The following SMC6 variants were observed in gnomAD, a reference collection of about 807,000 sequenced individuals.
The protein encoded by SMC6 is structural maintenance of chromosomes protein 6.
A neutral mutation model predicts 142.2 loss-of-function variants in SMC6; 79 were observed. That is an observed-to-expected ratio of 0.56 (90% confidence interval 0.46 to 0.67). The LOEUF is 0.67. Among genes scored for constraint, SMC6 ranks in the 30% least tolerant of loss-of-function variants. The probability of loss-of-function intolerance (pLI) is 0.00; values close to 1 mark genes in which losing one functional copy is unlikely to be tolerated. For synonymous variants in SMC6, 411 were observed against 412.4 expected, an observed-to-expected ratio of 1.00 and a Z score of 0.04; for missense variants, 1,072 against 1,284.0, an observed-to-expected ratio of 0.83 and a Z score of 2.52.
chr2:17,669,775 T>G (rs1253242222), intron 26 of SMC6, among the ~76,000 whole-genome samples: 1 of 152,170 alleles, frequency 6.6e-6, no homozygotes, highest in African/African-American at 2.4e-5. Context: ...TAATTGCTAA[T>G]TTATGAGAAC....
Position 17,700,308 on chromosome 2 carries a change from T to C in SMC6, c.2294A>G (p.Asn765Ser), listed in dbSNP as rs765808400. Reference sequence around the variant, plus strand: ...TTTCAGACTTTTAAGATGCTCCATATTTTCTTTTTGTTGCTCCATATGTTC... The same window carrying C: ...TTTCAGACTTTTAAGATGCTCCATACTTTCTTTTTGTTGCTCCATATGTTC... ...VEEHMEQQKE[N>S]MEHLKSLKIE... The change falls in exon 21 of 28, where the codon AAT (asparagine) becomes AGT (serine). Residue 765 changes from asparagine (N) to serine (S), a missense_variant. Asn to Ser is a conservative substitution (Grantham distance 46). Transcript: ENST00000448223. 1 of 1,611,860 alleles carries C rather than the reference T, an allele frequency of 6.2e-7. No individual in the cohort carries two copies. The highest frequency in any genetic ancestry group is 8.5e-7 in the Non-Finnish European group (1 of 1,179,074).
chr2:17,716,484 G>C (rs190095313), intron 14 of SMC6, among the ~76,000 whole-genome samples: 23 of 152,224 alleles, frequency 1.5e-4, no homozygotes, highest in Admixed American at 4.6e-4. Flanking sequence ...TGATGGGCTA[G>C]GAATCCCAGA....
intron 21 of SMC6, among the ~76,000 whole-genome samples, chr2:17,699,695 C>T (rs57934574): frequency 0.013 from 1,982 of 152,148 alleles, 22 homozygotes; most frequent in East Asian, 0.031. Flanking sequence ...TGAGGAATAA[C>T]AAGTGAATAT....
chr2:17,746,723 G>T (rs1319442243), intron 2 of SMC6, among the ~76,000 whole-genome samples: 2 of 152,144 alleles, frequency 1.3e-5, no homozygotes. Flanking sequence ...AGTCAAAGCT[G>T]ATAGTTTATG....
chr2:17,731,900 A>G (rs1195372163), intron 5 of SMC6, 23 bp from the exon 6 acceptor site: 1 of 1,608,146 alleles, frequency 6.2e-7, no homozygotes, highest in East Asian at 2.2e-5. Flanking sequence ...GGTTGAGCTA[A>G]GTTACATGAA....
chr2:17,727,524 TATAC>T (rs994086381), intron 7 of SMC6, among the ~76,000 whole-genome samples: 8 of 135,664 alleles, frequency 5.9e-5, no homozygotes, highest in South Asian at 2.2e-4. Flanking sequence ...TATATATATA[TATAC>T]ACACACACAC....
intron 26 of SMC6, among the ~76,000 whole-genome samples, chr2:17,667,581 A>C (rs1344067218): frequency 2.0e-5 from 3 of 152,196 alleles, no homozygotes; most frequent in Non-Finnish European, 4.4e-5. Flanking sequence ...CGGGCGCAGC[A>C]GCTCATGCCT....
intron 8 of SMC6, among the ~76,000 whole-genome samples, chr2:17,726,090 A>T (rs1669607962): frequency 1.2e-5 from 1 of 85,000 alleles, no homozygotes; most frequent in Admixed American, 1.0e-4. Flanking sequence ...TCTGTCTTAA[A>T]AAAAAAAAAA....
At chr2:17,709,568 GTTT>G (rs1668718907) in intron 16 of SMC6, among the ~76,000 whole-genome samples, 2 of 152,120 alleles carry the variant, frequency 1.3e-5, no homozygotes, top group Admixed American at 1.3e-4. Context: ...TTGCATACAT[GTTT>G]TATACCTATT....
intron 21 of SMC6, among the ~76,000 whole-genome samples, chr2:17,699,114 C>T (rs893616395): frequency 6.6e-6 from 1 of 151,986 alleles, no homozygotes; most frequent in Non-Finnish European, 1.5e-5. Flanking sequence ...CTATTTTTAT[C>T]TCATTTTTTT....
At chr2:17,669,000 C>T (rs1247569052) in intron 26 of SMC6, among the ~76,000 whole-genome samples, 1 of 151,938 alleles carries the variant, frequency 6.6e-6, no homozygotes, top group South Asian at 2.1e-4. Context: ...CCTGGGAGTC[C>T]GGAGAAGAGG....
At chr2:17,698,134 C>A (rs1033106096) in intron 21 of SMC6, among the ~76,000 whole-genome samples, 5 of 151,946 alleles carry the variant, frequency 3.3e-5, no homozygotes, top group African/African-American at 9.7e-5. Flanking sequence ...GGGATGGGAA[C>A]AGGAGAGAAT....
chr2:17,692,657 T>G (rs906638887), intron 23 of SMC6, among the ~76,000 whole-genome samples: 3 of 152,212 alleles, frequency 2.0e-5, no homozygotes. Context: ...AAGGACTTCA[T>G]GTCTAAAACA....
intron 4 of SMC6, 113 bp from the exon 5 acceptor site, chr2:17,738,439 G>T (rs1670265165): frequency 3.3e-6 from 2 of 608,384 alleles, no homozygotes; most frequent in Non-Finnish European, 5.1e-6. Context: ...AAAATAAAAT[G>T]TTAAAATTCA....
intron 11 of SMC6, among the ~76,000 whole-genome samples, chr2:17,718,705 G>T (rs2125006295): frequency 6.6e-6 from 1 of 152,266 alleles, no homozygotes; most frequent in African/African-American, 2.4e-5. Context: ...GGTGTTAGAG[G>T]CAGATGAAAG....
chr2:17,725,535 T>C (rs762939361), intron 8 of SMC6, among the ~76,000 whole-genome samples, 177 bp from the exon 9 acceptor site: 5 of 152,198 alleles, frequency 3.3e-5, no homozygotes, highest in African/African-American at 1.2e-4. Flanking sequence ...AGATTCAAAT[T>C]GACTGAACCT....
intron 23 of SMC6, among the ~76,000 whole-genome samples, chr2:17,689,884 GT>G (rs1667625881): frequency 6.6e-6 from 1 of 151,810 alleles, no homozygotes; most frequent in Non-Finnish European, 1.5e-5. Flanking sequence ...TTTTTTTGTT[GT>G]TTTTGAGTTT....
chr2:17,752,691 T>C (rs1671107913), intron 2 of SMC6, among the ~76,000 whole-genome samples: 1 of 152,180 alleles, frequency 6.6e-6, no homozygotes, highest in Non-Finnish European at 1.5e-5. Flanking sequence ...TAAATCTAAA[T>C]AGAAGTTCTA....
rs745519285 is a variant in SMC6, at chr2:17,696,326, T to G, written c.2495A>C (p.Lys832Thr). The G allele has an allele frequency of 6.9e-6, 11 of 1,601,680 alleles. No individual in the cohort carries two copies. The highest frequency in any genetic ancestry group is 9.3e-6 in the Non-Finnish European group (11 of 1,177,470). Residue 832 changes from lysine (K) to threonine (T), a missense_variant, in exon 22 of 28, where the codon AAG (lysine) becomes ACG (threonine). This residue lies in a region of SMC6 where 994 missense variants were observed against 1,153.2 expected (regional missense o/e 0.86). Transcript: ENST00000448223. ...CTCTTTCATATCCAGTTCTCGTTTCTTTTTATTTAAGGTATCCAAGTGTTC... is the reference window on the plus strand; with the variant it reads ...CTCTTTCATATCCAGTTCTCGTTTCGTTTTATTTAAGGTATCCAAGTGTTC... ...QKEHLDTLNK[K>T]KRELDMKEKE... is the part of the protein sequence containing the mutation.
Sources: allele counts gnomAD v4.1 joint callset (sites outside exome capture counted in the v4.1 genomes callset), GRCh38; gene constraint gnomAD v4.1.1; regional missense constraint gnomAD v4.1.1; transcripts MANE v1.5; gene names NCBI Gene and HGNC (gene_info 2026-07-23, HGNC 2026-07-21).